Variants in CRAMP1 observed in about 807,000 individuals in gnomAD.
CRAMP1 encodes the protein cramped chromatin regulator 1, also known as protein cramped-like.
A neutral mutation model predicts 115.4 loss-of-function variants in CRAMP1; 50 were observed. The ratio of observed to expected loss-of-function variants is 0.43; its 90% CI spans 0.35 to 0.55. The LOEUF is 0.55. CRAMP1 is among the 20% of genes least tolerant of loss of function. The probability of loss-of-function intolerance (pLI) is 0.01; values close to 1 mark genes in which losing one functional copy is unlikely to be tolerated. For synonymous variants in CRAMP1, 866 were observed against 745.4 expected (o/e 1.16, Z -2.64); for missense variants, 1,679 against 1,721.7 (o/e 0.98, Z 0.44).
chr16:1,620,892 C>T lies in CRAMP1; in HGVS notation c.347-5081C>T, dbSNP rs558614473. Among the ~76,000 whole-genome samples, 5 of 149,724 alleles carry T rather than the reference C, an allele frequency of 3.3e-5. No homozygotes were observed. The South Asian group carries it at 6.3e-4, about 19-fold the overall frequency. On this transcript the variant is annotated intron_variant, in intron 2 of 20. Transcript: ENST00000397412. ...CGTGGTTCTTGCTGCCTGGTGACTTCGGGGCTTCTAAAGCCTCAGTTTCCC... is the reference window on the plus strand; with the variant it reads ...CGTGGTTCTTGCTGCCTGGTGACTTTGGGGCTTCTAAAGCCTCAGTTTCCC...
chr16:1,629,517 A>G (rs973863092), intron 3 of CRAMP1, among the ~76,000 whole-genome samples: 1 of 152,226 alleles, frequency 6.6e-6, no homozygotes, highest in East Asian at 1.9e-4. Context: ...CCTTGGAGAC[A>G]CACGGCAGGC....
intron 4 of CRAMP1, among the ~76,000 whole-genome samples, chr16:1,635,519 G>A (rs1206836598): frequency 1.3e-5 from 2 of 152,206 alleles, no homozygotes; most frequent in East Asian, 3.9e-4. Context: ...GCCAGGCGGG[G>A]CATCAGGGAC....
chr16:1,656,547 C>T lies in CRAMP1; in HGVS notation c.1790C>T (p.Pro597Leu), dbSNP rs1272158136. 16 of 1,557,732 alleles carry T rather than the reference C, an allele frequency of 1.0e-5. No individual in the cohort carries two copies. In the South Asian group the frequency reaches 1.8e-4, roughly 17 times the overall value. ...CCCCCTCTGGGCGGGGCGGCCTCCCCAGAGGTGCTGGCTCCTGTCAGCAAG... is the reference window on the plus strand; with the variant it reads ...CCCCCTCTGGGCGGGGCGGCCTCCCTAGAGGTGCTGGCTCCTGTCAGCAAG... ...EQPPLGGAASPEVLAPVSKEA... is the reference protein window; with the variant it reads ...EQPPLGGAASLEVLAPVSKEA... Residue 597 changes from proline to leucine, a missense_variant, in exon 10 of 21, where the codon CCA becomes CTA. Around this residue, in one of 8 missense-constraint regions of CRAMP1, gnomAD observed 405 missense variants for 302.6 expected, o/e 1.34. Coordinates refer to ENST00000397412, the MANE Select transcript of CRAMP1 (RefSeq NM_020825.4). This position sits in a 1 kb window ranked among gnomAD's most constrained non-coding sequence, Gnocchi z 5.6.
chr16:1,667,705 C>A (rs2036887936), intron 17 of CRAMP1, among the ~76,000 whole-genome samples: 1 of 152,202 alleles, frequency 6.6e-6, no homozygotes, highest in African/African-American at 2.4e-5. Context: ...GTAACTCCCC[C>A]AGCCCCCACT....
intron 4 of CRAMP1, among the ~76,000 whole-genome samples, chr16:1,637,476 C>T (rs535301873): frequency 2.7e-4 from 41 of 152,316 alleles, no homozygotes; most frequent in African/African-American, 8.4e-4. Context: ...CTGCTGGCCT[C>T]ACCTGTGTGC....
rs2036966318 is a variant in CRAMP1, at chr16:1,676,214, C to G, written c.*2169C>G. The G allele has an allele frequency of 1.3e-5, 2 of 152,276 alleles. No homozygotes were observed. The highest frequency in any genetic ancestry group is 1.3e-4 in the Admixed American group (2 of 15,284). The allele number at this position is 152,276 out of a possible 1,614,324, so 9.4% of individuals were successfully genotyped here. ...CTTTCGTAGGCTCTTTAGACAGCAC[C>G]TACCACTTGGTTCTCCAGCGTAGAC... On this transcript the variant is annotated 3_prime_UTR_variant, in exon 21 of 21. Transcript: ENST00000397412.
chr16:1,620,096 C>G (rs2036453661), intron 2 of CRAMP1, among the ~76,000 whole-genome samples: 1 of 152,178 alleles, frequency 6.6e-6, no homozygotes, highest in Admixed American at 6.5e-5. Context: ...TGAAGGGTCC[C>G]CCCATGTGAC....
chr16:1,647,507 G>A (rs1380579501), intron 6 of CRAMP1, among the ~76,000 whole-genome samples: 1 of 152,128 alleles, frequency 6.6e-6, no homozygotes, highest in Non-Finnish European at 1.5e-5. Flanking sequence ...TTGGGAGGCC[G>A]AGGCGGGTGG....
Position 1,656,347 on chromosome 16 carries a change from C to G in CRAMP1, c.1590C>G (p.Gly530=). 1.2e-6 allele frequency: 2 copies of G among 1,607,640 alleles called. No individual in the cohort carries two copies. The highest frequency in any genetic ancestry group is 1.7e-6 in the Non-Finnish European group (2 of 1,177,566). ...GPCLEKTPAE[G]RDSPTREPGA... ...GTCTTGAGAAGACCCCTGCAGAAGG[C>G]AGGGACAGTCCCACCCGGGAGCCAG... Residue 530 remains glycine (G), a synonymous_variant, in exon 10 of 21, where the codon GGC becomes GGG. Coordinates refer to ENST00000397412, the MANE Select transcript of CRAMP1 (RefSeq NM_020825.4). This position sits in a 1 kb window ranked among gnomAD's most constrained non-coding sequence, Gnocchi z 5.6.
Position 1,670,627 on chromosome 16 carries a change from G to T in CRAMP1, c.3500-37G>T, listed in dbSNP as rs756927556. On this transcript the variant is annotated intron_variant, in intron 19 of 20. Transcript: ENST00000397412. ...CCGCTGGACTGGTCCAGACCAAGCA[G>T]GGTTCAGGGTGTTTTCCTCTGGCCT... 8 of 1,611,032 alleles carry T rather than the reference G, an allele frequency of 5.0e-6. No homozygotes were observed. In the South Asian group the frequency reaches 8.8e-5, roughly 18 times the overall value.
chr16:1,670,568 G>T, intron 19 of CRAMP1, 96 bp from the exon 20 acceptor site: 1 of 1,384,144 alleles, frequency 7.2e-7, no homozygotes, highest in African/African-American at 1.4e-5. Context: ...CGGGGCTAGG[G>T]CTTGGGCTGG....
At chr16:1,660,628 A>C (rs180754578) in intron 11 of CRAMP1, among the ~76,000 whole-genome samples, 68 of 152,346 alleles carry the variant, frequency 4.5e-4, no homozygotes, top group Middle Eastern at 3.4e-3. Flanking sequence ...CCGAGGCATC[A>C]GTTTCACTGG....
At position 1,667,410 on chromosome 16, in the gene CRAMP1, G is replaced by T; in HGVS notation, c.3102+10G>T. On this transcript the variant is annotated intron_variant, in intron 17 of 20. Coordinates refer to ENST00000397412, the MANE Select transcript of CRAMP1 (RefSeq NM_020825.4). The stretch of plus-strand genomic sequence containing the variant: ...GGCAGACAGTTTCCAGGTAGAGTGT[G>T]CTCTTGGGCTGCTGAGCAAAGCAGC... 1 of 1,610,142 alleles carries T rather than the reference G, an allele frequency of 6.2e-7. No individual in the cohort carries two copies.
intron 3 of CRAMP1, among the ~76,000 whole-genome samples, chr16:1,631,200 C>A (rs571521227): frequency 1.3e-5 from 2 of 152,204 alleles, no homozygotes; most frequent in Non-Finnish European, 2.9e-5. Context: ...CGTTCTCCCC[C>A]ACACGTGCAG....
intron 3 of CRAMP1, among the ~76,000 whole-genome samples, chr16:1,627,713 T>C (rs2036518683): frequency 6.6e-6 from 1 of 152,200 alleles, no homozygotes. Flanking sequence ...GCAGTAGATA[T>C]GAAGCCATTT....
Position 1,656,515 on chromosome 16 carries a change from C to G in CRAMP1, c.1758C>G (p.Ser586Arg), listed in dbSNP as rs563031777. The G allele has an allele frequency of 6.4e-7, 1 of 1,563,742 alleles. No homozygotes were observed. The highest frequency in any genetic ancestry group is 8.7e-7 in the Non-Finnish European group (1 of 1,154,860). ...GCTGTGCGGACACACGGCCTGGGAG[C>G]GAGCAGCCCCCTCTGGGCGGGGCGG... is the stretch of plus-strand genomic sequence containing the variant. ...QCRCADTRPG[S>R]EQPPLGGAAS... Residue 586 changes from serine (S) to arginine (R), a missense_variant, in exon 10 of 21, where the codon AGC (serine) becomes AGG (arginine). Physicochemically the swap from Ser to Arg is moderately radical, Grantham distance 110. Around this residue, in one of 8 missense-constraint regions of CRAMP1, gnomAD observed 405 missense variants for 302.6 expected, o/e 1.34. Coordinates refer to ENST00000397412, the MANE Select transcript of CRAMP1 (RefSeq NM_020825.4). The surrounding 1 kb of genome is among the most constrained non-coding windows in gnomAD (Gnocchi z 5.6).
chr16:1,633,185 C>A (rs2036560160), intron 4 of CRAMP1, among the ~76,000 whole-genome samples: 1 of 152,216 alleles, frequency 6.6e-6, no homozygotes, highest in Non-Finnish European at 1.5e-5. Flanking sequence ...GACCTAAAGT[C>A]CTTCGCCTTG....
intron 6 of CRAMP1, among the ~76,000 whole-genome samples, chr16:1,649,201 CTT>C (rs1449860040): frequency 6.6e-6 from 1 of 152,136 alleles, no homozygotes; most frequent in African/African-American, 2.4e-5. Context: ...CGTCTTGACT[CTT>C]TGGTCAGGCT....
intron 3 of CRAMP1, among the ~76,000 whole-genome samples, chr16:1,628,497 A>G (rs1487389394): frequency 6.6e-6 from 1 of 152,164 alleles, no homozygotes; most frequent in African/African-American, 2.4e-5. Flanking sequence ...CGGGTGATCC[A>G]CCTGCCCCAG....
Sources: allele counts gnomAD v4.1 joint callset (sites outside exome capture counted in the v4.1 genomes callset), GRCh38; gene constraint gnomAD v4.1.1; regional missense constraint gnomAD v4.1.1; non-coding constraint Gnocchi (gnomAD v3.1); transcripts MANE v1.5; gene names NCBI Gene and HGNC (gene_info 2026-07-23, HGNC 2026-07-21).